PTPRD: variants seen among roughly 807,000 people sequenced by gnomAD.
PTPRD encodes the protein receptor-type tyrosine-protein phosphatase delta.
Under a neutral mutation model 214.5 loss-of-function variants are expected in PTPRD, and 34 were observed. The ratio of observed to expected loss-of-function variants is 0.16; its 90% CI spans 0.12 to 0.21. The LOEUF (loss-of-function observed/expected upper bound fraction) is 0.21, where lower values mean the gene tolerates loss of function less well. Ranked by LOEUF, PTPRD falls within the 10% of genes least tolerant of loss-of-function variation. The pLI is 1.00. For missense variants in PTPRD, 2,545 were observed against 2,398.7 expected, an observed-to-expected ratio of 1.06 and a Z score of -1.27; for synonymous variants, 1,128 against 845.7, an observed-to-expected ratio of 1.33 and a Z score of -5.79.
intron 4 of PTPRD, among the ~76,000 whole-genome samples, chr9:9,986,949 T>G (rs2095735637): frequency 6.6e-6 from 1 of 152,048 alleles, no homozygotes; most frequent in South Asian, 2.1e-4. Context: ...ATATTTAAAC[T>G]GGCCCCTATT....
chr9:8,528,152 T>C (rs1451298692), intron 15 of PTPRD: 3 of 342,778 alleles, frequency 8.8e-6, no homozygotes, highest in Non-Finnish European at 1.6e-5. Context: ...AATTGAAACA[T>C]TTTAGGGTTT....
chr9:9,403,611 G>T (rs953788346), intron 8 of PTPRD, among the ~76,000 whole-genome samples: 23 of 151,858 alleles, frequency 1.5e-4, no homozygotes, highest in African/African-American at 4.8e-4. Flanking sequence ...AATAAACAGT[G>T]GTGTAATATC....
At chr9:10,308,480 T>C (rs939488241) in intron 3 of PTPRD, among the ~76,000 whole-genome samples, 11 of 152,228 alleles carry the variant, frequency 7.2e-5, no homozygotes, top group Middle Eastern at 3.4e-3. Flanking sequence ...TAGTATATTT[T>C]GAAGTTAAAT....
intron 11 of PTPRD, among the ~76,000 whole-genome samples, chr9:8,990,236 T>G (rs2099361031): frequency 6.6e-6 from 1 of 152,172 alleles, no homozygotes; most frequent in South Asian, 2.1e-4. Context: ...GAAGAGAGAT[T>G]GCAACACACT....
At chr9:8,959,738 C>A (rs1167027205) in intron 11 of PTPRD, among the ~76,000 whole-genome samples, 2 of 152,008 alleles carry the variant, frequency 1.3e-5, no homozygotes, top group African/African-American at 4.8e-5. Context: ...CTTATCAAAT[C>A]CTCCACTAAG....
intron 8 of PTPRD, among the ~76,000 whole-genome samples, chr9:9,567,030 G>T (rs564226094): frequency 2.0e-5 from 3 of 152,032 alleles, no homozygotes; most frequent in South Asian, 2.1e-4. Context: ...AGGTCAAGTA[G>T]ATATAAAAAA....
intron 2 of PTPRD, among the ~76,000 whole-genome samples, chr9:10,539,374 G>A (rs2058591844): frequency 6.6e-6 from 1 of 152,024 alleles, no homozygotes; most frequent in Non-Finnish European, 1.5e-5. Context: ...TAGTAGAGAC[G>A]GTTTTTTGCC....
chr9:10,050,095 C>G (rs1027158071), intron 3 of PTPRD, among the ~76,000 whole-genome samples: 5 of 152,108 alleles, frequency 3.3e-5, no homozygotes, highest in Non-Finnish European at 5.9e-5. Context: ...AAATAAATAT[C>G]TGTCGAATTA....
At chr9:10,398,241 C>T (rs2098208675) in intron 2 of PTPRD, among the ~76,000 whole-genome samples, 2 of 151,400 alleles carry the variant, frequency 1.3e-5, no homozygotes, top group African/African-American at 2.4e-5. Flanking sequence ...ATTAGCCAGG[C>T]ATGGCGGTAT....
chr9:10,242,469 G>A (rs193164799), intron 3 of PTPRD, among the ~76,000 whole-genome samples: 2 of 151,898 alleles, frequency 1.3e-5, no homozygotes, highest in South Asian at 4.1e-4. Flanking sequence ...TGATTCATAT[G>A]AATTAGATCA....
At chr9:10,465,201 G>T (rs1178201204) in intron 2 of PTPRD, among the ~76,000 whole-genome samples, 1 of 152,106 alleles carries the variant, frequency 6.6e-6, no homozygotes, top group Non-Finnish European at 1.5e-5. Context: ...ATGTAATTCA[G>T]CAAAGATCAT....
intron 4 of PTPRD, among the ~76,000 whole-genome samples, chr9:10,012,565 T>TAAG (rs2096623565): frequency 6.6e-6 from 1 of 151,958 alleles, no homozygotes; most frequent in African/African-American, 2.4e-5. Context: ...TACTAAACTA[T>TAAG]AAGAGAGAAG....
chr9:8,333,019 G>A (rs1401016112), intron 43 of PTPRD, among the ~76,000 whole-genome samples: 1 of 150,828 alleles, frequency 6.6e-6, no homozygotes, highest in Non-Finnish European at 1.5e-5. Context: ...GAGGATCTCA[G>A]TGTGAGATGA....
chr9:10,090,036 C>T (rs537678168), intron 3 of PTPRD, among the ~76,000 whole-genome samples: 2 of 151,624 alleles, frequency 1.3e-5, no homozygotes, highest in African/African-American at 4.8e-5. Context: ...ATCTACAAGA[C>T]TGTATAAGAA....
At chr9:9,186,705 G>C (rs1294224133) in intron 9 of PTPRD, among the ~76,000 whole-genome samples, 1 of 151,500 alleles carries the variant, frequency 6.6e-6, no homozygotes, top group African/African-American at 2.4e-5. Flanking sequence ...TAATACATAT[G>C]TGTGTATGCA....
intron 2 of PTPRD, among the ~76,000 whole-genome samples, chr9:10,543,479 T>TATACACACACAC (rs1555502598): frequency 6.9e-6 from 1 of 145,082 alleles, no homozygotes; most frequent in African/African-American, 2.6e-5. Context: ...TATATATATA[T>TATACACACACAC]ACACACACAC....
Position 10,384,968 on chromosome 9 carries a change from TG to T in PTPRD, c.-599-43952del, listed in dbSNP as rs2097889172. On this transcript the variant is annotated intron_variant, in intron 2 of 45. Transcript: ENST00000381196. ...TCTTAGCCTCAAATATCCACTTCCC[TG>T]GCTTCTCCTCTCTATGTTTATAATG... Among the ~76,000 whole-genome samples the T allele has an allele frequency of 2.0e-5, 3 of 151,884 alleles. No individual in the cohort carries two copies. The South Asian group carries it at 6.2e-4, about 32-fold the overall frequency.
In PTPRD at chr9:8,632,796, T is replaced by C. The variant is rs138683447; in HGVS notation, c.352+521A>G. On this transcript the variant is annotated intron_variant, in intron 14 of 45. Coordinates refer to ENST00000381196, the MANE Select transcript of PTPRD (RefSeq NM_002839.4). ...AGTTATTTAGATCAATACATATTGG[T>C]TTAAGAAAGATAACAGACAAATAAA... 9.3e-4 allele frequency among the ~76,000 whole-genome samples: 141 copies of C among 152,104 alleles called. 1 individual carries two copies. In the Middle Eastern group the frequency reaches 0.01, roughly 11 times the overall value.
At chr9:8,423,040 G>C (rs2094458476) in intron 35 of PTPRD, among the ~76,000 whole-genome samples, 1 of 152,152 alleles carries the variant, frequency 6.6e-6, no homozygotes, top group Non-Finnish European at 1.5e-5. Flanking sequence ...TGCAGGGATG[G>C]GAGTAGGGGA....
Sources: allele counts gnomAD v4.1 joint callset (sites outside exome capture counted in the v4.1 genomes callset), GRCh38; gene constraint gnomAD v4.1.1; transcripts MANE v1.5; gene names NCBI Gene and HGNC (gene_info 2026-07-23, HGNC 2026-07-21).